The following NFYC variants were observed in gnomAD, a reference collection of about 807,000 sequenced individuals.
The protein encoded by NFYC is nuclear transcription factor Y subunit gamma, also known as CAAT box DNA-binding protein subunit C.
Under a neutral mutation model 53.1 loss-of-function variants are expected in NFYC, and 25 were observed. The ratio of observed to expected loss-of-function variants is 0.47; its 90% CI spans 0.34 to 0.66. The LOEUF (loss-of-function observed/expected upper bound fraction) is 0.66. Ranked by LOEUF, NFYC falls within the 30% of genes least tolerant of loss-of-function variation. NFYC has a pLI of 0.01. For missense variants in NFYC, 260 were observed against 422.7 expected (o/e 0.62, Z 3.38); for synonymous variants, 145 against 152.6 (o/e 0.95, Z 0.37).
At chr1:40,732,787 T>G (rs746897865) in intron 1 of NFYC, among the ~76,000 whole-genome samples, 2 of 152,222 alleles carry the variant, frequency 1.3e-5, no homozygotes, top group Non-Finnish European at 2.9e-5. Flanking sequence ...GCCTTTCAGC[T>G]TCCAGCACTG....
chr1:40,718,852 G>C (rs1644232037), intron 1 of NFYC, among the ~76,000 whole-genome samples: 1 of 152,008 alleles, frequency 6.6e-6, no homozygotes, highest in African/African-American at 2.4e-5. Flanking sequence ...GATGAATCAT[G>C]GTGGTTTTTT....
intron 1 of NFYC, among the ~76,000 whole-genome samples, chr1:40,717,853 G>A (rs1428342176): frequency 1.3e-5 from 2 of 152,218 alleles, no homozygotes; most frequent in African/African-American, 4.8e-5. Flanking sequence ...TGCTGAGCAA[G>A]TAATTTATAG....
chr1:40,699,270 C>G (rs550518556), intron 1 of NFYC, among the ~76,000 whole-genome samples: 2 of 152,224 alleles, frequency 1.3e-5, no homozygotes, highest in South Asian at 4.2e-4. Flanking sequence ...ATCTGAAGTA[C>G]TGAAGGTTTT....
chr1:40,730,902 G>A lies in NFYC; in HGVS notation c.-8-7934G>A, dbSNP rs573594676. On this transcript the variant is annotated intron_variant, in intron 1 of 9. Coordinates refer to ENST00000447388, the MANE Select transcript of NFYC (RefSeq NM_014223.5). ...GTTGTTTGATTATAATATTGATGAA[G>A]AAAAAAGAAACCAGTTCCTGGCCGG... Among the ~76,000 whole-genome samples the A allele has an allele frequency of 1.4e-4, 21 of 152,282 alleles. 1 individual carries two copies. In the South Asian group the frequency reaches 4.4e-3, roughly 32 times the overall value.
intron 1 of NFYC, chr1:40,735,099 T>C (rs1429627775): frequency 6.6e-6 from 1 of 151,032 alleles, no homozygotes; most frequent in African/African-American, 2.4e-5. Flanking sequence ...ACACTTAAGG[T>C]AGAATCACCC....
At chr1:40,693,683 T>C (rs998057218) in intron 1 of NFYC, among the ~76,000 whole-genome samples, 3 of 152,244 alleles carry the variant, frequency 2.0e-5, no homozygotes, top group Admixed American at 2.0e-4. Context: ...ACTCAGTAAG[T>C]GGTTGAGCTA....
At chr1:40,765,773 CTT>C (rs949164900) in intron 7 of NFYC, among the ~76,000 whole-genome samples, 2 of 152,212 alleles carry the variant, frequency 1.3e-5, no homozygotes, top group African/African-American at 4.8e-5. Context: ...CCTTGGTCCT[CTT>C]TTCATCCCCA....
intron 5 of NFYC, chr1:40,757,855 G>A (rs187200684): frequency 1.2e-4 from 66 of 541,614 alleles, no homozygotes; most frequent in African/African-American, 1.1e-3. Context: ...TTATTTGCCC[G>A]TTTGCAACTT....
At chr1:40,752,358 A>T (rs1645963332) in intron 4 of NFYC, among the ~76,000 whole-genome samples, 1 of 152,178 alleles carries the variant, frequency 6.6e-6, no homozygotes, top group Non-Finnish European at 1.5e-5. Context: ...TTTGCTTTAA[A>T]TCTTTAGTAA....
intron 1 of NFYC, among the ~76,000 whole-genome samples, chr1:40,710,359 C>G (rs1164142982): frequency 6.6e-6 from 1 of 152,104 alleles, no homozygotes; most frequent in African/African-American, 2.4e-5. Flanking sequence ...TATTTAAAAT[C>G]CTGCAGTTTG....
At chr1:40,763,878 C>T (rs894484628) in intron 7 of NFYC, among the ~76,000 whole-genome samples, 1 of 152,194 alleles carries the variant, frequency 6.6e-6, no homozygotes, top group African/African-American at 2.4e-5. Flanking sequence ...GTGAGGCAGT[C>T]CTGTATTTGA....
chr1:40,703,108 C>A (rs377434239), intron 1 of NFYC, among the ~76,000 whole-genome samples: 1 of 152,322 alleles, frequency 6.6e-6, no homozygotes, highest in Non-Finnish European at 1.5e-5. Context: ...TGAGCCACCA[C>A]GCCTGGCCTA....
At chr1:40,714,307 T>C (rs1271638090) in intron 1 of NFYC, among the ~76,000 whole-genome samples, 1 of 152,130 alleles carries the variant, frequency 6.6e-6, no homozygotes, top group Non-Finnish European at 1.5e-5. Context: ...CAAAATAATA[T>C]CTTAACTGTG....
Position 40,758,114 on chromosome 1 carries a change from C to T in NFYC, c.388-7C>T, listed in dbSNP as rs373207316. 3.7e-6 allele frequency: 6 copies of T among 1,611,612 alleles called. No homozygotes were observed. The African/African-American group carries it at 8.0e-5, about 22-fold the overall frequency. On this transcript the variant is annotated splice_polypyrimidine_tract_variant and splice_region_variant and intron_variant, in intron 5 of 9. Coordinates refer to ENST00000447388, the MANE Select transcript of NFYC (RefSeq NM_014223.5). ...TCCTCTTACCTGCCTCTCTTTCCAC[C>T]CAACAGGAGGAGGTGCGCCAGTCTG...
chr1:40,757,873 A>G (rs1182889191), intron 5 of NFYC: 2 of 569,340 alleles, frequency 3.5e-6, no homozygotes, highest in South Asian at 4.1e-5. Context: ...CTTATCATGC[A>G]ATGGGTGATT....
intron 2 of NFYC, among the ~76,000 whole-genome samples, chr1:40,740,206 G>A (rs1319035840): frequency 6.6e-6 from 1 of 152,140 alleles, no homozygotes; most frequent in African/African-American, 2.4e-5. Flanking sequence ...TCCTGATGTA[G>A]AATTAATGTT....
intron 1 of NFYC, among the ~76,000 whole-genome samples, chr1:40,726,932 A>G (rs188450689): frequency 8.1e-4 from 123 of 152,354 alleles, no homozygotes; most frequent in Admixed American, 1.2e-3. Flanking sequence ...CACTGGGAGT[A>G]GGTTCCATTT....
intron 4 of NFYC, among the ~76,000 whole-genome samples, chr1:40,751,066 T>A: frequency 6.6e-6 from 1 of 152,222 alleles, no homozygotes; most frequent in East Asian, 1.9e-4. Flanking sequence ...ACTGTAGCCA[T>A]TCTTATATAA....
rs578097838 is a variant in NFYC, at chr1:40,701,114, TGA to T, written c.-9+9255_-9+9256del. Among the ~76,000 whole-genome samples the T allele has an allele frequency of 2.1e-3, 319 of 152,272 alleles. 3 individuals carry two copies. Among genetic ancestry groups the T allele is most frequent in the African/African-American group, 7.2e-3 (298 of 41,548 alleles). ...CAACCCTGTATACCTTTCTTTTTTT[TGA>T]GAGAGAGTCTCGCCCTGTCACCCAG... On this transcript the variant is annotated intron_variant, in intron 1 of 9. Coordinates refer to ENST00000447388, the MANE Select transcript of NFYC (RefSeq NM_014223.5).
Sources: allele counts gnomAD v4.1 joint callset (sites outside exome capture counted in the v4.1 genomes callset), GRCh38; gene constraint gnomAD v4.1.1; transcripts MANE v1.5; gene names NCBI Gene and HGNC (gene_info 2026-07-23, HGNC 2026-07-21).